Variants in CCDC192 observed in about 807,000 individuals in gnomAD.
CCDC192 encodes coiled-coil domain containing 192.
At chr5:127,871,258 G>A (rs1172776592) in intron 5 of CCDC192, among the ~76,000 whole-genome samples, 1 of 152,162 alleles carries the variant, frequency 6.6e-6, no homozygotes, top group Non-Finnish European at 1.5e-5. Flanking sequence ...AAAGTGAGGA[G>A]ATCAATGTAA....
intron 5 of CCDC192, among the ~76,000 whole-genome samples, chr5:127,864,881 T>C (rs1315005775): frequency 5.3e-5 from 8 of 152,252 alleles, no homozygotes; most frequent in East Asian, 1.9e-4. Context: ...GGCATGGTGG[T>C]TCACGCCTGT....
At chr5:127,900,205 G>GA (rs982687508) in intron 6 of CCDC192, among the ~76,000 whole-genome samples, 3 of 151,926 alleles carry the variant, frequency 2.0e-5, no homozygotes, top group South Asian at 2.1e-4. Context: ...AAATTTTGTT[G>GA]AAAAAAAATA....
At chr5:127,747,878 T>C (rs1012870612) in intron 2 of CCDC192, among the ~76,000 whole-genome samples, 7 of 148,278 alleles carry the variant, frequency 4.7e-5, no homozygotes, top group East Asian at 2.0e-4. Context: ...CATTTTTTCA[T>C]GTGTTTTTTG....
At chr5:127,748,009 C>T (rs1291143890) in intron 2 of CCDC192, among the ~76,000 whole-genome samples, 92 of 146,518 alleles carry the variant, frequency 6.3e-4, no homozygotes, top group African/African-American at 2.2e-3. Flanking sequence ...GGATATTAGC[C>T]CTTTGTCAGA....
intron 5 of CCDC192, among the ~76,000 whole-genome samples, chr5:127,852,354 G>A (rs1750836377): frequency 6.6e-6 from 1 of 152,204 alleles, no homozygotes; most frequent in African/African-American, 2.4e-5. Flanking sequence ...AGAAAAGGTG[G>A]GTGTAGCCCT....
rs192408192 is a variant in CCDC192, at chr5:127,901,012, C to T, written c.535+25351C>T. ...TAAAACTTTTTTCCCCTGGAGAATA[C>T]ATATTTTGGTTAAAAAAAAGTTTAA... On this transcript the variant is annotated intron_variant, in intron 6 of 6. Transcript: ENST00000514853. Among the ~76,000 whole-genome samples the T allele has an allele frequency of 3.0e-3, 457 of 152,180 alleles. 2 individuals carry two copies. Among genetic ancestry groups the T allele is most frequent in the Non-Finnish European group, 5.2e-3 (356 of 67,996 alleles).
chr5:127,810,874 A>C (rs986291362), intron 5 of CCDC192, among the ~76,000 whole-genome samples: 2 of 152,198 alleles, frequency 1.3e-5, no homozygotes, highest in African/African-American at 4.8e-5. Context: ...GATTTGCAGA[A>C]GTACCCCAGT....
chr5:127,749,592 T>C (rs1473272454), intron 2 of CCDC192, among the ~76,000 whole-genome samples: 1 of 152,036 alleles, frequency 6.6e-6, no homozygotes, highest in Non-Finnish European at 1.5e-5. Context: ...GTTGTGTCTC[T>C]GCCCGGCTTT....
chr5:127,912,832 A>C (rs529857628), intron 6 of CCDC192, among the ~76,000 whole-genome samples: 1 of 152,334 alleles, frequency 6.6e-6, no homozygotes, highest in Non-Finnish European at 1.5e-5. Flanking sequence ...CTGCAAAACC[A>C]GGCTTATACC....
chr5:127,827,082 G>A (rs1297169629), intron 5 of CCDC192, among the ~76,000 whole-genome samples: 2 of 152,314 alleles, frequency 1.3e-5, no homozygotes, highest in South Asian at 2.1e-4. Context: ...TGTAGTGGAT[G>A]AATTATGTCA....
At chr5:127,844,723 G>A (rs571372246) in intron 5 of CCDC192, among the ~76,000 whole-genome samples, 1 of 152,338 alleles carries the variant, frequency 6.6e-6, no homozygotes, top group Admixed American at 6.5e-5. Flanking sequence ...TGCATTCACA[G>A]TGGCAGCCTG....
intron 6 of CCDC192, among the ~76,000 whole-genome samples, chr5:127,900,714 C>T (rs901896698): frequency 2.6e-5 from 4 of 152,130 alleles, no homozygotes; most frequent in Admixed American, 6.5e-5. Flanking sequence ...TGACAATGTT[C>T]CTGAGCCATG....
chr5:127,801,413 G>A (rs766718778), intron 5 of CCDC192, among the ~76,000 whole-genome samples: 3 of 152,084 alleles, frequency 2.0e-5, no homozygotes, highest in Admixed American at 6.5e-5. Flanking sequence ...CCTGGTTTCC[G>A]TGCCTCCATC....
At chr5:127,931,284 CA>C (rs1405138933) in intron 6 of CCDC192, among the ~76,000 whole-genome samples, 1 of 152,116 alleles carries the variant, frequency 6.6e-6, no homozygotes, top group Non-Finnish European at 1.5e-5. Context: ...GAAATGGAAG[CA>C]AAAACAGAAA....
At chr5:127,874,783 GCTTCTCCAAAGTTGC>G (rs2127132763) in intron 5 of CCDC192, among the ~76,000 whole-genome samples, 1 of 152,288 alleles carries the variant, frequency 6.6e-6, no homozygotes, top group African/African-American at 2.4e-5. Context: ...ACAACAGACA[GCTTCTCCAAAGTTGC>G]AGATAAATCC....
intron 5 of CCDC192, among the ~76,000 whole-genome samples, chr5:127,821,342 C>T (rs1749280658): frequency 1.3e-5 from 2 of 152,148 alleles, no homozygotes; most frequent in Admixed American, 1.3e-4. Context: ...ATAGAAGGTG[C>T]TATGATTTAT....
At chr5:127,735,890 T>A (rs1214874993) in intron 2 of CCDC192, among the ~76,000 whole-genome samples, 42 of 136,526 alleles carry the variant, frequency 3.1e-4, no homozygotes, top group Non-Finnish European at 1.5e-5. Flanking sequence ...ACAATTTGAC[T>A]TCCTCTTTTC....
intron 6 of CCDC192, among the ~76,000 whole-genome samples, chr5:127,900,379 G>T (rs1753006310): frequency 6.6e-6 from 1 of 152,172 alleles, no homozygotes; most frequent in African/African-American, 2.4e-5. Context: ...TAAGGCCAGT[G>T]CAGATTCAAG....
intron 3 of CCDC192, among the ~76,000 whole-genome samples, chr5:127,762,682 G>T (rs75091571): frequency 2.0e-5 from 3 of 152,150 alleles, no homozygotes; most frequent in Non-Finnish European, 2.9e-5. Flanking sequence ...GCTGACCGGT[G>T]CTAATAAATG....
Sources: gnomAD v4.1 joint callset for allele counts (sites outside exome capture counted in the v4.1 genomes callset) on GRCh38, gnomAD v4.1.1 for gene constraint, MANE v1.5 for transcripts, NCBI Gene and HGNC (gene_info 2026-07-23, HGNC 2026-07-21) for gene names.